VAPA: variants seen among roughly 807,000 people sequenced by gnomAD.
The protein encoded by VAPA is VAMP associated protein A.
Under a neutral mutation model 25.6 loss-of-function variants are expected in VAPA, and 6 were observed. That is an observed-to-expected ratio of 0.23 (90% CI 0.13 to 0.46). VAPA has a LOEUF of 0.46. VAPA is among the 20% of genes least tolerant of loss of function. VAPA has a pLI of 0.99. For synonymous variants in VAPA, 112 were observed against 106.2 expected, an observed-to-expected ratio of 1.05 and a Z score of -0.34; for missense variants, 244 against 302.1, an observed-to-expected ratio of 0.81 and a Z score of 1.43.
intron 1 of VAPA, among the ~76,000 whole-genome samples, chr18:9,915,323 T>G (rs2143265118): frequency 6.6e-6 from 1 of 152,318 alleles, no homozygotes; most frequent in South Asian, 2.1e-4. Flanking sequence ...TAGTACTGCC[T>G]GTGATAAGTT....
chr18:9,943,863 T>A (rs2069392022), intron 4 of VAPA, among the ~76,000 whole-genome samples: 1 of 111,578 alleles, frequency 9.0e-6, no homozygotes, highest in African/African-American at 3.4e-5. Flanking sequence ...TTTTTTTTTT[T>A]TTTTTTTTTT....
chr18:9,935,625 T>G (rs187751691), intron 2 of VAPA, among the ~76,000 whole-genome samples: 17 of 152,340 alleles, frequency 1.1e-4, no homozygotes, highest in Admixed American at 9.8e-4. Flanking sequence ...TTACTGAGTA[T>G]TTCTCCTTTA....
rs1482694117 is a variant in VAPA at position 9,914,066 on chromosome 18, T to C, written c.-191T>C. 3.8e-6 allele frequency: 2 copies of C among 521,128 alleles called. No homozygotes were observed. Among genetic ancestry groups the C allele is most frequent in the Non-Finnish European group, 6.7e-6 (2 of 297,710 alleles). The allele number at this position is 521,128 out of a possible 1,614,324, so 32.3% of individuals were successfully genotyped here. On this transcript the variant is annotated 5_prime_UTR_variant, in exon 1 of 6. Coordinates refer to ENST00000400000, the MANE Select transcript of VAPA (RefSeq NM_194434.3). Reference sequence around the variant, plus strand: ...GGCGGCTGGTGTGGGGTTGAGTCAGTTGTGGGACCCGGAGCTGCTGACCCA... The same window carrying C: ...GGCGGCTGGTGTGGGGTTGAGTCAGCTGTGGGACCCGGAGCTGCTGACCCA...
At chr18:9,950,312 A>T (rs2069475448) in intron 4 of VAPA, 83 bp from the exon 5 acceptor site, 1 of 1,456,864 alleles carries the variant, frequency 6.9e-7, no homozygotes, top group Admixed American at 2.1e-5. Flanking sequence ...ATGAACAAAG[A>T]TGTAGAATTT....
At chr18:9,935,434 C>T (rs914133665) in intron 2 of VAPA, among the ~76,000 whole-genome samples, 2 of 152,032 alleles carry the variant, frequency 1.3e-5, no homozygotes, top group South Asian at 4.1e-4. Context: ...ATTAGCTGGG[C>T]ATGGTGGCAT....
chr18:9,919,857 A>T (rs1370919746), intron 1 of VAPA, among the ~76,000 whole-genome samples: 4 of 152,208 alleles, frequency 2.6e-5, no homozygotes, highest in Admixed American at 2.6e-4. Flanking sequence ...GTAGCAATGT[A>T]AAATTATACT....
Position 9,956,085 on chromosome 18 carries a change from C to T in VAPA, c.*1874C>T, listed in dbSNP as rs556490524. The T allele has an allele frequency of 6.6e-6, 1 of 152,156 alleles. No homozygotes were observed. The highest frequency in any genetic ancestry group is 2.1e-4 in the South Asian group (1 of 4,820). The allele number at this position is 152,156 out of a possible 1,614,324, so 9.4% of individuals were successfully genotyped here. A position where few individuals can be genotyped will look rare whatever the true frequency, so the allele number is the denominator to read the frequency against. ...AGAAATTAAGTTCTTGAAAATTTAG[C>T]CAAATCCCGTTTTATGGGAATGCTC... is the stretch of plus-strand genomic sequence containing the variant. On this transcript the variant is annotated 3_prime_UTR_variant, in exon 6 of 6. Transcript: ENST00000400000.
intron 1 of VAPA, among the ~76,000 whole-genome samples, chr18:9,926,351 G>T (rs1567893332): frequency 1.3e-5 from 2 of 152,152 alleles, no homozygotes; most frequent in African/African-American, 4.8e-5. Flanking sequence ...CTGCATTGCT[G>T]TGGCTACATT....
At chr18:9,932,096 T>G in intron 2 of VAPA, 134 bp downstream of exon 2, 1 of 641,562 alleles carries the variant, frequency 1.6e-6, no homozygotes, top group Non-Finnish European at 2.6e-6. Context: ...TAAAGATGTC[T>G]TGTTACAGTA....
chr18:9,932,818 T>C (rs946469913), intron 2 of VAPA, among the ~76,000 whole-genome samples: 14 of 152,102 alleles, frequency 9.2e-5, no homozygotes, highest in African/African-American at 3.1e-4. Flanking sequence ...CTTAGAAATG[T>C]TACATTTAGG....
chr18:9,948,120 C>T (rs977116589), intron 4 of VAPA: 3 of 151,998 alleles, frequency 2.0e-5, no homozygotes, highest in Non-Finnish European at 4.4e-5. Flanking sequence ...CTTTTTGTTA[C>T]AAAAGCAGTA....
At chr18:9,952,760 C>T (rs938207357) in intron 5 of VAPA, among the ~76,000 whole-genome samples, 1 of 152,118 alleles carries the variant, frequency 6.6e-6, no homozygotes, top group Non-Finnish European at 1.5e-5. Flanking sequence ...TAAAAAGTTA[C>T]AGTTGACCAG....
intron 1 of VAPA, among the ~76,000 whole-genome samples, chr18:9,930,444 C>T (rs1472613769): frequency 6.6e-6 from 1 of 152,062 alleles, no homozygotes; most frequent in Non-Finnish European, 1.5e-5. Flanking sequence ...CTAGTTTTAT[C>T]AGTTCAAAAC....
At chr18:9,933,829 C>T (rs74541774) in intron 2 of VAPA, among the ~76,000 whole-genome samples, 3,622 of 152,238 alleles carry the variant, frequency 0.024, 57 homozygotes, top group Middle Eastern at 0.071. Context: ...TGAGCCACTG[C>T]GCCTGGCCAG....
At chr18:9,947,869 T>C (rs1365129093) in intron 4 of VAPA, 1 of 152,076 alleles carries the variant, frequency 6.6e-6, no homozygotes, top group East Asian at 1.9e-4. Flanking sequence ...AAGCCCACCC[T>C]CCCATCACAC....
intron 4 of VAPA, among the ~76,000 whole-genome samples, chr18:9,945,635 A>T (rs1031641837): frequency 4.6e-5 from 7 of 152,122 alleles, no homozygotes; most frequent in Non-Finnish European, 7.4e-5. Context: ...AAGTCCTGGG[A>T]TTATAGGCGT....
intron 5 of VAPA, among the ~76,000 whole-genome samples, chr18:9,953,416 A>T (rs138908285): frequency 9.6e-4 from 146 of 152,352 alleles, no homozygotes; most frequent in African/African-American, 3.4e-3. Context: ...CTTTACACAC[A>T]GCCCTCTGCT....
At position 9,919,998 on chromosome 18, in the gene VAPA, C is replaced by T. The variant is rs373786117; in HGVS notation, c.79+5663C>T. Among the ~76,000 whole-genome samples the T allele has an allele frequency of 3.3e-5, 5 of 152,094 alleles. 1 individual carries two copies. The highest frequency in any genetic ancestry group is 9.6e-5 in the African/African-American group (4 of 41,472). ...TGTGAGACTTGGTGGTCTCTATGTG[C>T]ACTGAGAGAAAAGGGTATGAATGTC... On this transcript the variant is annotated intron_variant, in intron 1 of 5. Coordinates refer to ENST00000400000, the MANE Select transcript of VAPA (RefSeq NM_194434.3).
intron 2 of VAPA, among the ~76,000 whole-genome samples, chr18:9,933,105 G>A (rs1352243949): frequency 3.4e-5 from 5 of 148,838 alleles, no homozygotes; most frequent in African/African-American, 1.2e-4. Flanking sequence ...CAAAAAAAGT[G>A]TACCTTAAAA....
Sources: gnomAD v4.1 joint callset for allele counts (sites outside exome capture counted in the v4.1 genomes callset) on GRCh38, gnomAD v4.1.1 for gene constraint, MANE v1.5 for transcripts, NCBI Gene and HGNC (gene_info 2026-07-23, HGNC 2026-07-21) for gene names.